The following CDK14 variants were observed in gnomAD, a reference collection of about 807,000 sequenced individuals.
CDK14 encodes cyclin dependent kinase 14.
CDK14 carries 34 observed loss-of-function variants against 60.7 expected under a neutral mutation model. The observed-to-expected ratio is 0.56, with a 90% confidence interval of 0.43 to 0.75. The LOEUF is 0.75. Ranked by LOEUF, CDK14 falls within the 30% of genes least tolerant of loss-of-function variation. The pLI, the probability that CDK14 is intolerant of heterozygous loss-of-function variation, is 0.00. For synonymous variants in CDK14, 197 were observed against 203.7 expected (o/e 0.97, Z 0.28); for missense variants, 482 against 564.1 (o/e 0.85, Z 1.47).
chr7:91,020,750 GTGGCTTAAAGCAACA>G (rs1796412309), intron 10 of CDK14, among the ~76,000 whole-genome samples: 1 of 152,160 alleles, frequency 6.6e-6, no homozygotes. Context: ...CACAAACTTA[GTGGCTTAAAGCAACA>G]TACCTTTATT....
chr7:90,998,436 A>C (rs1234583732), intron 10 of CDK14, among the ~76,000 whole-genome samples: 2 of 152,184 alleles, frequency 1.3e-5, no homozygotes, highest in Non-Finnish European at 2.9e-5. Flanking sequence ...CAGGAATTTC[A>C]TCTTCTGTCA....
intron 7 of CDK14, among the ~76,000 whole-genome samples, chr7:90,909,211 G>T (rs1317588080): frequency 6.6e-6 from 1 of 152,090 alleles, no homozygotes; most frequent in East Asian, 1.9e-4. Flanking sequence ...TATCAGTCAG[G>T]TCAGCCCTAT....
chr7:90,628,786 T>C (rs1419306123), intron 2 of CDK14, among the ~76,000 whole-genome samples: 1 of 152,074 alleles, frequency 6.6e-6, no homozygotes, highest in East Asian at 1.9e-4. Flanking sequence ...CAGTGAGTTA[T>C]GATCACACCC....
At chr7:90,733,518 A>G (rs1759149213) in intron 3 of CDK14, among the ~76,000 whole-genome samples, 1 of 152,192 alleles carries the variant, frequency 6.6e-6, no homozygotes, top group Non-Finnish European at 1.5e-5. Flanking sequence ...TTGGGTGCAT[A>G]TATATTTAGG....
intron 2 of CDK14, among the ~76,000 whole-genome samples, chr7:90,621,338 G>C (rs1051020626): frequency 6.6e-6 from 1 of 152,162 alleles, no homozygotes; most frequent in Non-Finnish European, 1.5e-5. Flanking sequence ...GTGTTCATGT[G>C]TTGAGTAACT....
At chr7:90,665,026 A>C (rs2116514298) in intron 2 of CDK14, among the ~76,000 whole-genome samples, 2 of 152,280 alleles carry the variant, frequency 1.3e-5, no homozygotes, top group East Asian at 3.9e-4. Context: ...TCACACCTGT[A>C]ATCTCAGCAC....
intron 4 of CDK14, among the ~76,000 whole-genome samples, chr7:90,784,786 T>C (rs921237650): frequency 6.6e-6 from 1 of 152,218 alleles, no homozygotes; most frequent in South Asian, 2.1e-4. Context: ...TGAATCAGAA[T>C]TGAATTTAGA....
intron 9 of CDK14, among the ~76,000 whole-genome samples, chr7:90,978,854 C>A (rs1795148481): frequency 6.6e-6 from 1 of 152,118 alleles, no homozygotes; most frequent in South Asian, 2.1e-4. Context: ...AAAAACAGAT[C>A]ATATTTAAGA....
intron 8 of CDK14, among the ~76,000 whole-genome samples, chr7:90,954,413 A>G (rs148761298): frequency 6.6e-6 from 1 of 152,226 alleles, no homozygotes; most frequent in African/African-American, 2.4e-5. Context: ...TCACTAATGA[A>G]TACAGCTAGA....
At chr7:90,745,305 G>A (rs1803545927) in intron 3 of CDK14, among the ~76,000 whole-genome samples, 1 of 151,950 alleles carries the variant, frequency 6.6e-6, no homozygotes, top group African/African-American at 2.4e-5. Flanking sequence ...ATTCACTTGA[G>A]GGACCGTCTT....
chr7:90,729,056 G>A (rs1802746854), intron 3 of CDK14, among the ~76,000 whole-genome samples: 3 of 150,568 alleles, frequency 2.0e-5, no homozygotes, highest in Admixed American at 2.0e-4. Flanking sequence ...TTTTCATTCG[G>A]TATGACTCTT....
intron 9 of CDK14, chr7:90,979,299 C>T (rs1795163767): frequency 6.6e-6 from 1 of 152,130 alleles, no homozygotes; most frequent in Non-Finnish European, 1.5e-5. Flanking sequence ...CTTCTATTGT[C>T]CACATAGAGC....
At chr7:90,965,051 T>A (rs749360676) in intron 9 of CDK14, among the ~76,000 whole-genome samples, 1 of 152,138 alleles carries the variant, frequency 6.6e-6, no homozygotes, top group Non-Finnish European at 1.5e-5. Flanking sequence ...TTTTTTTACG[T>A]CTCCTTTCCT....
chr7:90,824,325 C>A (rs1160892621), intron 5 of CDK14, among the ~76,000 whole-genome samples: 2 of 152,156 alleles, frequency 1.3e-5, no homozygotes, highest in Admixed American at 6.5e-5. Flanking sequence ...ATGTCACTTA[C>A]CCAGAATCAC....
chr7:91,122,939 C>T (rs1418916468), intron 14 of CDK14, among the ~76,000 whole-genome samples: 2 of 152,134 alleles, frequency 1.3e-5, no homozygotes, highest in Admixed American at 6.5e-5. Context: ...GGTTGGCCAA[C>T]CTGTTTTTAA....
chr7:90,985,960 G>A (rs1046774681), intron 10 of CDK14, among the ~76,000 whole-genome samples: 3 of 151,696 alleles, frequency 2.0e-5, no homozygotes, highest in African/African-American at 7.3e-5. Flanking sequence ...TTCCTACAGT[G>A]TCAAAATGAA....
At position 90,668,496 on chromosome 7, in the gene CDK14, A is replaced by G. The variant is rs533683930; in HGVS notation, c.124-58071A>G. Among the ~76,000 whole-genome samples, 22 of 152,216 alleles carry G rather than the reference A, an allele frequency of 1.4e-4. 1 individual carries two copies. The South Asian group carries it at 4.1e-3, about 29-fold the overall frequency. On this transcript the variant is annotated intron_variant, in intron 2 of 14. Transcript: ENST00000380050. ...TCTTAATGTTATACTTTGAAGTACA[A>G]AAGTGTTAAATTTTGATTATGTCCA...
chr7:90,921,179 G>A (rs886245913), intron 8 of CDK14, among the ~76,000 whole-genome samples: 16 of 152,128 alleles, frequency 1.1e-4, no homozygotes, highest in African/African-American at 3.6e-4. Context: ...CCCTTTTATA[G>A]CCCGTGTCCT....
At chr7:90,719,577 C>A (rs1021031015) in intron 2 of CDK14, among the ~76,000 whole-genome samples, 2 of 152,092 alleles carry the variant, frequency 1.3e-5, no homozygotes, top group African/African-American at 4.8e-5. Flanking sequence ...ACAATTTTTA[C>A]TCAGGTTTGA....
Sources: gnomAD v4.1 joint callset for allele counts (sites outside exome capture counted in the v4.1 genomes callset) on GRCh38, gnomAD v4.1.1 for gene constraint, MANE v1.5 for transcripts, NCBI Gene and HGNC (gene_info 2026-07-23, HGNC 2026-07-21) for gene names.